Variants in HS6ST2 observed in about 807,000 individuals in gnomAD.
The protein encoded by HS6ST2 is heparan sulfate 6-O-sulfotransferase 2, also known as heparan-sulfate 6-O-sulfotransferase 2.
A neutral mutation model predicts 33.0 loss-of-function variants in HS6ST2; 17 were observed. That is an observed-to-expected ratio of 0.52 (90% CI 0.35 to 0.77). The LOEUF is 0.77. Ranked by LOEUF, HS6ST2 falls within the 30% of genes least tolerant of loss-of-function variation. The pLI is 0.01. For missense variants in HS6ST2, 519 were observed against 551.7 expected, an observed-to-expected ratio of 0.94 and a Z score of 0.59; for synonymous variants, 248 against 237.1, an observed-to-expected ratio of 1.05 and a Z score of -0.42.
chrX:132,831,515 A>C (rs2065589850), intron 2 of HS6ST2, among the ~76,000 whole-genome samples: 1 of 111,421 alleles, frequency 9.0e-6, no homozygotes, highest in South Asian at 3.8e-4. Flanking sequence ...CCACTTACAG[A>C]CATTCTACAG....
At chrX:132,662,702 C>A (rs1336352732) in intron 4 of HS6ST2, among the ~76,000 whole-genome samples, 2 of 112,343 alleles carry the variant, frequency 1.8e-5, no homozygotes, top group Admixed American at 9.4e-5. Context: ...TACTGTATAT[C>A]CTAACCATCA....
intron 2 of HS6ST2, among the ~76,000 whole-genome samples, chrX:132,825,032 G>T (rs1348857354): frequency 8.9e-6 from 1 of 112,033 alleles, no homozygotes. Flanking sequence ...TGAATTTGTT[G>T]CTTTCTATGG....
chrX:132,885,049 T>C (rs1028137371), intron 2 of HS6ST2, among the ~76,000 whole-genome samples: 1 of 111,997 alleles, frequency 8.9e-6, no homozygotes, highest in Admixed American at 9.5e-5. Context: ...GCACTAAAAT[T>C]TGTATGCAAA....
chrX:132,957,458 G>C (rs900694040), intron 1 of HS6ST2, 132 bp from the exon 2 acceptor site: 1 of 703,525 alleles, frequency 1.4e-6, no homozygotes, highest in Non-Finnish European at 2.0e-6. Context: ...AGTACTCCAC[G>C]GCGGCGGCGG....
upstream of HS6ST2, chrX:132,959,002 G>T (rs1370284488): frequency 6.8e-6 from 1 of 147,529 alleles, no homozygotes; most frequent in African/African-American, 3.1e-5. Context: ...CTGCAGGAGG[G>T]CTTGACTCAT....
At chrX:132,923,396 G>C (rs897186368) in intron 2 of HS6ST2, among the ~76,000 whole-genome samples, 3 of 111,184 alleles carry the variant, frequency 2.7e-5, no homozygotes, top group Admixed American at 9.6e-5. Context: ...TAGATGGTTG[G>C]GGGGTAGGTC....
intron 2 of HS6ST2, among the ~76,000 whole-genome samples, chrX:132,848,218 T>C (rs1337759274): frequency 8.9e-6 from 1 of 111,935 alleles, no homozygotes; most frequent in Non-Finnish European, 1.9e-5. Context: ...AGATCATCTG[T>C]TCTCACTGTT....
At chrX:132,782,695 C>T (rs2065025959) in intron 2 of HS6ST2, among the ~76,000 whole-genome samples, 1 of 111,140 alleles carries the variant, frequency 9.0e-6, no homozygotes, top group Non-Finnish European at 1.9e-5. Context: ...GGAGAGAGGT[C>T]AGGACTGCAG....
intron 2 of HS6ST2, among the ~76,000 whole-genome samples, chrX:132,927,642 A>G (rs1035116850): frequency 1.8e-5 from 2 of 111,182 alleles, no homozygotes; most frequent in East Asian, 5.7e-4. Context: ...TTGCATTGCT[A>G]TAAAGAAATG....
At chrX:132,725,849 G>A (rs923940255) in intron 2 of HS6ST2, among the ~76,000 whole-genome samples, 14 of 111,702 alleles carry the variant, frequency 1.3e-4, no homozygotes, top group African/African-American at 4.2e-4. Flanking sequence ...GAATGAGACC[G>A]TGTCATTGCA....
At chrX:132,840,106 ACT>A (rs1465723163) in intron 2 of HS6ST2, among the ~76,000 whole-genome samples, 1 of 110,359 alleles carries the variant, frequency 9.1e-6, no homozygotes, top group Non-Finnish European at 1.9e-5. Flanking sequence ...ACAGAGTGAG[ACT>A]CTGTCTCAAA....
At chrX:132,926,737 A>T (rs1319435418) in intron 2 of HS6ST2, among the ~76,000 whole-genome samples, 2 of 111,463 alleles carry the variant, frequency 1.8e-5, no homozygotes, top group Non-Finnish European at 3.8e-5. Context: ...AGTCTGGCCA[A>T]CATGGAGAAA....
intron 2 of HS6ST2, among the ~76,000 whole-genome samples, chrX:132,812,583 TGG>T (rs35783156): frequency 1.0e-5 from 1 of 100,014 alleles, no homozygotes; most frequent in African/African-American, 3.7e-5. Flanking sequence ...TTTTTTTTTT[TGG>T]GGGGGGGAGA....
intron 2 of HS6ST2, among the ~76,000 whole-genome samples, chrX:132,866,293 T>C (rs1195804182): frequency 9.1e-6 from 1 of 110,181 alleles, no homozygotes; most frequent in Non-Finnish European, 1.9e-5. Context: ...TAGTTGTAGA[T>C]AGCAGCGTTA....
rs145494990 is a variant in HS6ST2, at chrX:132,632,131, C to G, written c.1068-3038G>C. On this transcript the variant is annotated intron_variant, in intron 4 of 4. Transcript: ENST00000370833. ...CTGCAGCAGAGAAGTTAGAGGGGCA[C>G]ACACATACACACACTGCTGCCTTGG... Among the ~76,000 whole-genome samples the G allele has an allele frequency of 6.3e-5, 7 of 110,958 alleles. No individual in the cohort carries two copies. In the East Asian group the frequency reaches 2.0e-3, roughly 32 times the overall value.
intron 2 of HS6ST2, among the ~76,000 whole-genome samples, chrX:132,783,495 G>A (rs2065032293): frequency 9.0e-6 from 1 of 111,136 alleles, no homozygotes; most frequent in Admixed American, 9.6e-5. Context: ...TAAGTCATTC[G>A]CCACCATCTG....
intron 2 of HS6ST2, among the ~76,000 whole-genome samples, chrX:132,898,406 T>TATAA (rs2066397636): frequency 9.8e-6 from 1 of 102,109 alleles, no homozygotes; most frequent in Non-Finnish European, 2.0e-5. Context: ...TATATATATA[T>TATAA]AAGCTTCTCT....
intron 2 of HS6ST2, among the ~76,000 whole-genome samples, chrX:132,780,147 A>G (rs1223635424): frequency 9.0e-6 from 1 of 110,834 alleles, no homozygotes; most frequent in Non-Finnish European, 1.9e-5. Context: ...AGCTTCACTG[A>G]CTTTGTTCAG....
intron 2 of HS6ST2, among the ~76,000 whole-genome samples, chrX:132,737,109 G>C (rs751982232): frequency 1.8e-5 from 2 of 111,362 alleles, no homozygotes; most frequent in East Asian, 5.7e-4. Context: ...TGGAGACCCT[G>C]AGGCTCAGAA....
Sources: allele counts gnomAD v4.1 joint callset (sites outside exome capture counted in the v4.1 genomes callset), GRCh38; gene constraint gnomAD v4.1.1; transcripts MANE v1.5; gene names NCBI Gene and HGNC (gene_info 2026-07-23, HGNC 2026-07-21).